LTA4H: variants seen among roughly 807,000 people sequenced by gnomAD.
The protein encoded by LTA4H is leukotriene A-4 hydrolase.
LTA4H carries 59 observed loss-of-function variants against 89.8 expected under a neutral mutation model. That is an observed-to-expected ratio of 0.66 (90% confidence interval 0.53 to 0.82). The LOEUF is 0.82. Among genes scored for constraint, LTA4H ranks in the 40% least tolerant of loss-of-function variants. The pLI, the probability that LTA4H is intolerant of heterozygous loss-of-function variation, is 0.00. For synonymous variants in LTA4H, 227 were observed against 253.1 expected, an observed-to-expected ratio of 0.90 and a Z score of 0.98; for missense variants, 617 against 727.0, an observed-to-expected ratio of 0.85 and a Z score of 1.74.
At chr12:96,006,115 C>A (rs1442841499) in intron 16 of LTA4H, among the ~76,000 whole-genome samples, 199 bp downstream of exon 16, 5 of 152,066 alleles carry the variant, frequency 3.3e-5, no homozygotes, top group Non-Finnish European at 2.9e-5. Flanking sequence ...AAGGTATATC[C>A]TTTCTTACAT....
intron 3 of LTA4H, 127 bp from the exon 4 acceptor site, chr12:96,024,674 T>A: frequency 1.8e-6 from 1 of 560,640 alleles, no homozygotes; most frequent in East Asian, 3.4e-5. Flanking sequence ...TTGGGATTTT[T>A]TTTTTTTTTT....
upstream of LTA4H, among the ~76,000 whole-genome samples, chr12:96,036,946 G>A (rs1950653037): frequency 6.6e-6 from 1 of 152,176 alleles, no homozygotes; most frequent in Non-Finnish European, 1.5e-5. Context: ...AAGAGATTGC[G>A]GGGCCGGTGC....
rs199864596 is a variant in LTA4H at position 96,001,015 on chromosome 12, C to A, written c.1810G>T (p.Val604Leu). ...ASMHPVTAML[V>L]GKDLKVD ...TAATCCACTTTTAAGTCTTTCCCCACCAGCATTGCAGTCACGGGATGCATG... is the reference window on the plus strand; with the variant it reads ...TAATCCACTTTTAAGTCTTTCCCCAACAGCATTGCAGTCACGGGATGCATG... The change falls in exon 19 of 19, where the codon GTG (valine) becomes TTG (leucine). Residue 604 changes from valine to leucine, a missense_variant. Coordinates refer to ENST00000228740, the MANE Select transcript of LTA4H (RefSeq NM_000895.3). 42 of 1,613,764 alleles carry A rather than the reference C, an allele frequency of 2.6e-5. No homozygotes were observed. Among genetic ancestry groups the A allele is most frequent in the Admixed American group, 8.3e-5 (5 of 60,012 alleles).
chr12:96,033,666 G>A (rs186702201), intron 1 of LTA4H, among the ~76,000 whole-genome samples: 1 of 152,182 alleles, frequency 6.6e-6, no homozygotes, highest in African/African-American at 2.4e-5. Context: ...CCATCAACCC[G>A]TCAGCTACAT....
intron 2 of LTA4H, chr12:96,027,805 A>T: frequency 4.0e-6 from 1 of 250,320 alleles, no homozygotes. Context: ...GCTTAATGGC[A>T]ACTAACAGTG....
intron 15 of LTA4H, 98 bp from the exon 16 acceptor site, chr12:96,006,507 T>C (rs1468920536): frequency 6.5e-6 from 4 of 612,804 alleles, no homozygotes; most frequent in African/African-American, 5.6e-5. Flanking sequence ...AAAAGAACCA[T>C]ATGAATGAAC....
intron 10 of LTA4H, 130 bp from the exon 11 acceptor site, chr12:96,015,824 C>T (rs1950366127): frequency 8.0e-6 from 5 of 628,736 alleles, no homozygotes; most frequent in Admixed American, 2.9e-5. Flanking sequence ...CAGTCTAAGC[C>T]GACTCTGGCT....
At chr12:96,019,039 C>G in intron 7 of LTA4H, 129 bp downstream of exon 7, 1 of 1,132,132 alleles carries the variant, frequency 8.8e-7, no homozygotes, top group Non-Finnish European at 1.3e-6. Flanking sequence ...AAGAATGTAG[C>G]AACTACACAT....
At chr12:96,014,516 T>C (rs1016169681) in intron 12 of LTA4H, among the ~76,000 whole-genome samples, 1 of 152,144 alleles carries the variant, frequency 6.6e-6, no homozygotes, top group African/African-American at 2.4e-5. Context: ...CTGCTAACAG[T>C]GGTTACCCCT....
exon 1 of LTA4H, chr12:96,043,308 C>T: frequency 2.0e-6 from 3 of 1,535,146 alleles, no homozygotes; most frequent in African/African-American, 1.4e-5. Flanking sequence ...TGCAAGAAGT[C>T]GACGAGTCTT....
At chr12:96,018,137 T>C (rs1950403490) in intron 8 of LTA4H, among the ~76,000 whole-genome samples, 2 of 152,182 alleles carry the variant, frequency 1.3e-5, no homozygotes. Context: ...TATAGTCTGA[T>C]TGTCTGGATA....
At chr12:96,018,657 AGGAC>A (rs1213930337) in intron 8 of LTA4H, 102 bp downstream of exon 8, 1 of 634,316 alleles carries the variant, frequency 1.6e-6, no homozygotes, top group Non-Finnish European at 2.4e-6. Context: ...ATACATTATT[AGGAC>A]TCTAAGGTTC....
intron 14 of LTA4H, chr12:96,010,074 G>A (rs1366155557): frequency 6.6e-6 from 1 of 152,108 alleles, no homozygotes; most frequent in African/African-American, 2.4e-5. Context: ...AGAACAGGTG[G>A]GATCAGAGGT....
At chr12:96,018,459 G>A (rs1329503621) in intron 8 of LTA4H, among the ~76,000 whole-genome samples, 3 of 152,080 alleles carry the variant, frequency 2.0e-5, no homozygotes, top group African/African-American at 7.2e-5. Flanking sequence ...TGAGGCAGGA[G>A]AATCGCTTGA....
Position 96,021,133 on chromosome 12 carries a change from G to C in LTA4H, c.590C>G (p.Pro197Arg), listed in dbSNP as rs770188006. The change falls in exon 6 of 19, where the codon CCA becomes CGA. Residue 197 changes from proline (P) to arginine (R), a missense_variant. Pro to Arg is a moderately radical substitution (Grantham distance 103, BLOSUM62 -2). Coordinates refer to ENST00000228740, the MANE Select transcript of LTA4H (RefSeq NM_000895.3). ...RKIYKFIQKV[P>R]IPCYLIALVV... ...TAAAGCAATCAGGTAGCAGGGTATTGGAACCTAAAGAGGGCAAACAAACGC... is the reference window on the plus strand; with the variant it reads ...TAAAGCAATCAGGTAGCAGGGTATTCGAACCTAAAGAGGGCAAACAAACGC... The C allele has an allele frequency of 6.3e-7, 1 of 1,593,418 alleles. No homozygotes were observed. Among genetic ancestry groups the C allele is most frequent in the Admixed American group, 1.9e-5 (1 of 53,524 alleles).
At chr12:96,017,696 C>T in intron 8 of LTA4H, 116 bp from the exon 9 acceptor site, 2 of 661,296 alleles carry the variant, frequency 3.0e-6, no homozygotes, top group Non-Finnish European at 5.3e-6. Context: ...ATTTCTACTA[C>T]AGCACTTCAA....
In LTA4H at chr12:96,013,867, A is replaced by G. The variant is rs1375175975; in HGVS notation, c.1205-14T>C. ...CTAGGAAAATCTCTAAGAGTAAAAAAGAAAAGAAATCAATTCATAGAAAGG... is the reference window on the plus strand; with the variant it reads ...CTAGGAAAATCTCTAAGAGTAAAAAGGAAAAGAAATCAATTCATAGAAAGG... On this transcript the variant is annotated splice_polypyrimidine_tract_variant and intron_variant, in intron 12 of 18. Transcript: ENST00000228740. 8.6e-7 allele frequency: 1 copy of G among 1,166,674 alleles called. No homozygotes were observed. The allele number at this position is 1,166,674 out of a possible 1,614,324, so 72.3% of individuals were successfully genotyped here.
At chr12:96,035,089 T>G (rs1950622655) in intron 1 of LTA4H, among the ~76,000 whole-genome samples, 1 of 151,874 alleles carries the variant, frequency 6.6e-6, no homozygotes, top group South Asian at 2.1e-4. Flanking sequence ...GGAGAGAGGA[T>G]CCAGGCGAGG....
intron 4 of LTA4H, among the ~76,000 whole-genome samples, chr12:96,023,379 CATT>C (rs982128810): frequency 3.3e-5 from 5 of 152,118 alleles, no homozygotes; most frequent in African/African-American, 1.2e-4. Context: ...AGTGTCACAT[CATT>C]ATTTATTTAT....
Sources: allele counts gnomAD v4.1 joint callset (sites outside exome capture counted in the v4.1 genomes callset), GRCh38; gene constraint gnomAD v4.1.1; transcripts MANE v1.5; gene names NCBI Gene and HGNC (gene_info 2026-07-23, HGNC 2026-07-21).